The following GNB1 variants were observed in gnomAD, a reference collection of about 807,000 sequenced individuals.
The protein encoded by GNB1 is G protein subunit beta 1.
In GNB1, 2 loss-of-function variants were observed where a neutral mutation model predicts 42.9. That is an observed-to-expected ratio of 0.05 (90% CI 0.02 to 0.15). The LOEUF (loss-of-function observed/expected upper bound fraction) is 0.15. Among genes scored for constraint, GNB1 ranks in the 10% least tolerant of loss-of-function variants. The pLI is 1.00. For synonymous variants in GNB1, 183 were observed against 174.7 expected (o/e 1.05, Z -0.38); for missense variants, 193 against 462.2 (o/e 0.42, Z 5.34).
intron 1 of GNB1, among the ~76,000 whole-genome samples, chr1:1,847,240 G>A (rs1000846475): frequency 1.3e-5 from 2 of 152,028 alleles, no homozygotes; most frequent in South Asian, 2.1e-4. Context: ...GAGCCTTGAA[G>A]GGGAAGAGAT....
chr1:1,869,639 T>C (rs1004851645), intron 1 of GNB1, among the ~76,000 whole-genome samples: 1 of 152,146 alleles, frequency 6.6e-6, no homozygotes, highest in African/African-American at 2.4e-5. Context: ...CAGTTATTCA[T>C]CACGTAGCTG....
intron 1 of GNB1, among the ~76,000 whole-genome samples, chr1:1,880,226 C>G (rs768833086): frequency 7.2e-5 from 11 of 152,174 alleles, no homozygotes; most frequent in Non-Finnish European, 1.5e-4. Context: ...AGCTACCATG[C>G]CCAGCCAAGA....
chr1:1,804,900 C>T (rs1646675600), intron 6 of GNB1, among the ~76,000 whole-genome samples: 1 of 152,248 alleles, frequency 6.6e-6, no homozygotes, highest in Non-Finnish European at 1.5e-5. Flanking sequence ...TCACTCACGC[C>T]TGTAATCCCA....
chr1:1,848,274 G>A (rs1479740591), intron 1 of GNB1, among the ~76,000 whole-genome samples: 1 of 151,102 alleles, frequency 6.6e-6, no homozygotes, highest in Admixed American at 6.6e-5. Context: ...AGCTACTTGG[G>A]AGGCTGAAGC....
intron 1 of GNB1, among the ~76,000 whole-genome samples, chr1:1,853,844 G>A (rs543644215): frequency 4.9e-4 from 74 of 152,130 alleles, no homozygotes; most frequent in African/African-American, 1.7e-3. Flanking sequence ...AGTAAAGTAA[G>A]CACAAATATT....
At chr1:1,797,190 G>A (rs559056012) in intron 7 of GNB1, among the ~76,000 whole-genome samples, 8 of 152,158 alleles carry the variant, frequency 5.3e-5, no homozygotes, top group Admixed American at 2.0e-4. Context: ...CAAGGATGGC[G>A]TTTGCTGCAG....
rs1452286879 is a variant in GNB1, at chr1:1,890,897, G to A, written c.-173C>T. ...CTCGGCAGGTCGTCGCGCTCGGGCC[G>A]CGCTGCGCGCTCCGCGGGCGCTGCG... is the stretch of plus-strand genomic sequence containing the variant. On this transcript the variant is annotated 5_prime_UTR_variant, in exon 1 of 12. Transcript: ENST00000378609. 6.8e-6 allele frequency: 1 copy of A among 147,088 alleles called. No individual in the cohort carries two copies. The highest frequency in any genetic ancestry group is 1.5e-5 in the Non-Finnish European group (1 of 65,896). The allele number at this position is 147,088 out of a possible 1,614,324, so 9.1% of individuals were successfully genotyped here. A position where few individuals can be genotyped will look rare whatever the true frequency, so the allele number is the denominator to read the frequency against.
At chr1:1,877,343 A>C (rs1442221527) in intron 1 of GNB1, among the ~76,000 whole-genome samples, 1 of 150,564 alleles carries the variant, frequency 6.6e-6, no homozygotes, top group African/African-American at 2.4e-5. Context: ...ACACACACAC[A>C]GAGTGGGACC....
At chr1:1,882,637 A>T (rs1649915285) in intron 1 of GNB1, among the ~76,000 whole-genome samples, 1 of 151,420 alleles carries the variant, frequency 6.6e-6, no homozygotes, top group African/African-American at 2.4e-5. Context: ...AATGAACATA[A>T]ATGGGCAGGG....
At chr1:1,853,500 T>A (rs1648099379) in intron 1 of GNB1, among the ~76,000 whole-genome samples, 1 of 152,134 alleles carries the variant, frequency 6.6e-6, no homozygotes, top group South Asian at 2.1e-4. Context: ...TGAACATATT[T>A]TTGCCTCAAA....
chr1:1,794,381 G>C (rs1646520149), intron 7 of GNB1, among the ~76,000 whole-genome samples: 1 of 152,126 alleles, frequency 6.6e-6, no homozygotes, highest in South Asian at 2.1e-4. Flanking sequence ...ATTGATCACA[G>C]TTCTGGTATT....
chr1:1,877,249 G>C (rs1468681473), intron 1 of GNB1, among the ~76,000 whole-genome samples: 14 of 148,826 alleles, frequency 9.4e-5, no homozygotes, highest in African/African-American at 2.7e-4. Flanking sequence ...TCAATGAGCC[G>C]AGATCGCGCC....
Position 1,787,221 on chromosome 1 carries a change from ACAT to A in GNB1, c.*9+98_*9+100del, listed in dbSNP as rs1557878175. On this transcript the variant is annotated intron_variant, in intron 11 of 11. Coordinates refer to ENST00000378609, the MANE Select transcript of GNB1 (RefSeq NM_002074.5). This position sits in a 1 kb window ranked among gnomAD's most constrained non-coding sequence, Gnocchi z 4.4. Reference sequence around the variant, plus strand: ...CACAACACAATTCCAAATCAATGCTACATCAACATTTATCTAGAAACCGTTAAT... The same window carrying A: ...CACAACACAATTCCAAATCAATGCTACAACATTTATCTAGAAACCGTTAAT... The A allele has an allele frequency of 1.4e-6, 1 of 710,576 alleles. No homozygotes were observed. The highest frequency in any genetic ancestry group is 1.8e-5 in the African/African-American group (1 of 56,126). 44.0% of individuals were successfully genotyped at this position (710,576 alleles called of 1,614,324 possible).
rs34099129 is a variant in GNB1 at position 1,811,082 on chromosome 1, T to TATA, written c.204-4545_204-4544insTAT. On this transcript the variant is annotated intron_variant, in intron 5 of 11. Transcript: ENST00000378609. Reference sequence around the variant, plus strand: ...GGGTATATATATACATATATATATATTTTTTTTTTTTTTCTTTTTTTGAGA... The same window carrying TATA: ...GGGTATATATATACATATATATATATATATTTTTTTTTTTTTCTTTTTTTGAGA... 3.3e-3 allele frequency among the ~76,000 whole-genome samples: 415 copies of TATA among 125,702 alleles called. 3 individuals carry two copies. Among genetic ancestry groups the TATA allele is most frequent in the African/African-American group, 9.1e-3 (282 of 30,824 alleles). 82.5% of individuals were successfully genotyped at this position (125,702 alleles called of 152,430 possible). A position where few individuals can be genotyped will look rare whatever the true frequency, so the allele number is the denominator to read the frequency against.
intron 1 of GNB1, among the ~76,000 whole-genome samples, chr1:1,880,123 G>T (rs1227988783): frequency 6.6e-6 from 1 of 151,822 alleles, no homozygotes; most frequent in Non-Finnish European, 1.5e-5. Flanking sequence ...TGTAGAGATG[G>T]GGTCTCACTA....
chr1:1,822,404 C>T (rs549140285), intron 3 of GNB1, among the ~76,000 whole-genome samples: 4 of 151,822 alleles, frequency 2.6e-5, no homozygotes, highest in East Asian at 3.9e-4. Flanking sequence ...CCCAGGTTCA[C>T]GCCATTCCCT....
At chr1:1,811,112 G>T (rs1365877039) in intron 5 of GNB1, among the ~76,000 whole-genome samples, 1 of 146,442 alleles carries the variant, frequency 6.8e-6, no homozygotes, top group Admixed American at 6.8e-5. Context: ...TTGAGATGGA[G>T]TCTCACTCTG....
chr1:1,864,750 G>C (rs1648829448), intron 1 of GNB1, among the ~76,000 whole-genome samples: 1 of 152,154 alleles, frequency 6.6e-6, no homozygotes, highest in Admixed American at 6.6e-5. Flanking sequence ...TTATAACTAA[G>C]AGGTTATATT....
intron 1 of GNB1, among the ~76,000 whole-genome samples, chr1:1,867,095 C>T (rs1321001820): frequency 1.3e-5 from 2 of 152,154 alleles, no homozygotes; most frequent in South Asian, 2.1e-4. Context: ...GGCGAAACCC[C>T]ATCTCTATTA....
Sources: gnomAD v4.1 joint callset for allele counts (sites outside exome capture counted in the v4.1 genomes callset) on GRCh38, gnomAD v4.1.1 for gene constraint, Gnocchi (gnomAD v3.1) non-coding constraint, MANE v1.5 for transcripts, NCBI Gene and HGNC (gene_info 2026-07-23, HGNC 2026-07-21) for gene names.